Variants in TMEM132D observed in about 807,000 individuals in gnomAD.
TMEM132D encodes the protein transmembrane protein 132D.
In TMEM132D, 21 loss-of-function variants were observed where a neutral mutation model predicts 62.3. That is an observed-to-expected ratio of 0.34 (90% confidence interval 0.24 to 0.49). TMEM132D has a LOEUF of 0.49. TMEM132D is among the 20% of genes least tolerant of loss of function. The pLI is 0.99. For missense variants in TMEM132D, 1,346 were observed against 1,402.8 expected (o/e 0.96, Z 0.65); for synonymous variants, 621 against 575.6 (o/e 1.08, Z -1.13).
At chr12:129,391,368 G>A (rs1459622151) in intron 3 of TMEM132D, among the ~76,000 whole-genome samples, 1 of 152,226 alleles carries the variant, frequency 6.6e-6, no homozygotes, top group African/African-American at 2.4e-5. Flanking sequence ...AGGAGGAGAA[G>A]GTCCACTGTG....
At chr12:129,093,299 C>CA (rs907759574) in intron 5 of TMEM132D, among the ~76,000 whole-genome samples, 1 of 152,042 alleles carries the variant, frequency 6.6e-6, no homozygotes, top group Non-Finnish European at 1.5e-5. Context: ...CGTCTCAGCC[C>CA]AAAATCTCCT....
chr12:129,230,307 A>AGAG (rs539387773), intron 4 of TMEM132D, among the ~76,000 whole-genome samples: 3 of 140,540 alleles, frequency 2.1e-5, no homozygotes, highest in Non-Finnish European at 4.7e-5. Flanking sequence ...TCTGTGTTGG[A>AGAG]GGGGGGGGGC....
intron 3 of TMEM132D, among the ~76,000 whole-genome samples, chr12:129,420,162 C>T (rs987156473): frequency 1.3e-5 from 2 of 152,034 alleles, no homozygotes; most frequent in Admixed American, 6.6e-5. Context: ...CTGGTGTCTG[C>T]GATAGCATCA....
intron 2 of TMEM132D, among the ~76,000 whole-genome samples, chr12:129,688,169 T>C (rs1432919524): frequency 6.6e-6 from 1 of 152,150 alleles, no homozygotes; most frequent in African/African-American, 2.4e-5. Flanking sequence ...GCTGTGCATA[T>C]GGTTATATGG....
intron 4 of TMEM132D, among the ~76,000 whole-genome samples, chr12:129,336,171 C>T (rs1382725417): frequency 6.6e-6 from 1 of 152,206 alleles, no homozygotes; most frequent in African/African-American, 2.4e-5. Context: ...AGTTAGGGTG[C>T]CTGGGCAGGG....
intron 1 of TMEM132D, among the ~76,000 whole-genome samples, chr12:129,839,117 A>ATGTTTTTTTTTTTTTTTT (rs1873097931): frequency 4.8e-5 from 1 of 20,704 alleles, no homozygotes. Context: ...CGCCTGGCTA[A>ATGTTTTTTTTTTTTTTTT]TTTTTTTTTT....
intron 3 of TMEM132D, among the ~76,000 whole-genome samples, chr12:129,424,590 C>A (rs2135712743): frequency 6.6e-6 from 1 of 151,684 alleles, no homozygotes; most frequent in East Asian, 1.9e-4. Flanking sequence ...CACCTGTAGT[C>A]CCAGCTACTC....
chr12:129,725,446 C>T (rs1868996643), intron 1 of TMEM132D, among the ~76,000 whole-genome samples: 1 of 152,210 alleles, frequency 6.6e-6, no homozygotes, highest in South Asian at 2.1e-4. Context: ...GGTGATGCCA[C>T]CGAACTTGGA....
At chr12:129,547,682 G>A (rs540965818) in intron 2 of TMEM132D, among the ~76,000 whole-genome samples, 1 of 152,320 alleles carries the variant, frequency 6.6e-6, no homozygotes, top group East Asian at 1.9e-4. Context: ...AGTGTGAGAT[G>A]AGTAAATTGC....
intron 5 of TMEM132D, among the ~76,000 whole-genome samples, chr12:129,146,358 A>G (rs1336937406): frequency 1.3e-5 from 2 of 152,094 alleles, no homozygotes; most frequent in Admixed American, 6.6e-5. Context: ...CCTGCTTGTA[A>G]TTCTCTCATC....
chr12:129,786,286 T>C (rs953497010), intron 1 of TMEM132D, among the ~76,000 whole-genome samples: 2 of 152,092 alleles, frequency 1.3e-5, no homozygotes, highest in African/African-American at 2.4e-5. Flanking sequence ...CTGGTTCCTC[T>C]GTCTAAATCT....
rs1870809505 is a variant in TMEM132D, at chr12:129,377,295, A to C, written c.1116-39478T>G. ...CCTTCCAGCCTCCAGAACTGTGAGA[A>C]AATAAACTCCTGTTGGTGAAGCACT... On this transcript the variant is annotated intron_variant, in intron 3 of 8. Coordinates refer to ENST00000422113, the MANE Select transcript of TMEM132D (RefSeq NM_133448.3). Among the ~76,000 whole-genome samples the C allele has an allele frequency of 2.0e-5, 3 of 152,146 alleles. No individual in the cohort carries two copies. In the South Asian group the frequency reaches 6.2e-4, roughly 31 times the overall value.
chr12:129,198,403 G>A (rs1878605169), intron 5 of TMEM132D, among the ~76,000 whole-genome samples: 1 of 152,094 alleles, frequency 6.6e-6, no homozygotes, highest in Admixed American at 6.5e-5. Context: ...CGGAGTTATG[G>A]AATCAATCTA....
At chr12:129,305,643 C>T (rs1294133000) in intron 4 of TMEM132D, among the ~76,000 whole-genome samples, 1 of 152,178 alleles carries the variant, frequency 6.6e-6, no homozygotes, top group Non-Finnish European at 1.5e-5. Flanking sequence ...AGGCTACATG[C>T]TATGAATCTG....
At position 129,755,087 on chromosome 12, in the gene TMEM132D, G is replaced by T. The variant is rs986386627; in HGVS notation, c.80-54389C>A. Among the ~76,000 whole-genome samples the T allele has an allele frequency of 7.2e-5, 11 of 152,174 alleles. No individual in the cohort carries two copies. In the South Asian group the frequency reaches 1.7e-3, roughly 23 times the overall value. On this transcript the variant is annotated intron_variant, in intron 1 of 8. Transcript: ENST00000422113. ...GATTATTTCATTATCTAGGAGAAAGGCACCTGTGTTTGACTTTGCTATTTG... is the reference window on the plus strand; with the variant it reads ...GATTATTTCATTATCTAGGAGAAAGTCACCTGTGTTTGACTTTGCTATTTG...
intron 5 of TMEM132D, among the ~76,000 whole-genome samples, chr12:129,192,671 G>C (rs1364306618): frequency 2.0e-5 from 3 of 152,158 alleles, no homozygotes; most frequent in African/African-American, 7.2e-5. Flanking sequence ...AGGGCTGGCT[G>C]GGTACTAATT....
chr12:129,320,904 T>A (rs1868679285), intron 4 of TMEM132D, among the ~76,000 whole-genome samples: 1 of 151,382 alleles, frequency 6.6e-6, no homozygotes, highest in South Asian at 2.1e-4. Context: ...GGAGTACCAA[T>A]AATGACTTAA....
chr12:129,478,337 T>C (rs1378016556), intron 3 of TMEM132D, among the ~76,000 whole-genome samples: 8 of 152,178 alleles, frequency 5.3e-5, no homozygotes, highest in African/African-American at 1.9e-4. Context: ...AAAAAAGTAA[T>C]TGTGCTACAA....
Position 129,377,185 on chromosome 12 carries a change from A to G in TMEM132D, c.1116-39368T>C, listed in dbSNP as rs1403946592. Among the ~76,000 whole-genome samples the G allele has an allele frequency of 3.3e-5, 5 of 152,356 alleles. No individual in the cohort carries two copies. The East Asian group carries it at 9.6e-4, about 29-fold the overall frequency. Reference sequence around the variant, plus strand: ...CAGGTGCACACAGAGGAAAGAACATATGAAGGCATCGGGAGAAGGCAGCAT... The same window carrying G: ...CAGGTGCACACAGAGGAAAGAACATGTGAAGGCATCGGGAGAAGGCAGCAT... On this transcript the variant is annotated intron_variant, in intron 3 of 8. Transcript: ENST00000422113.
Sources: allele counts gnomAD v4.1 joint callset (sites outside exome capture counted in the v4.1 genomes callset), GRCh38; gene constraint gnomAD v4.1.1; transcripts MANE v1.5; gene names NCBI Gene and HGNC (gene_info 2026-07-23, HGNC 2026-07-21).